Variants in NCOA2 observed in about 807,000 individuals in gnomAD.
NCOA2 encodes the protein class E basic helix-loop-helix protein 75.
A neutral mutation model predicts 145.1 loss-of-function variants in NCOA2; 21 were observed. The observed-to-expected ratio is 0.14, with a 90% CI of 0.10 to 0.21. NCOA2 has a LOEUF of 0.21. Ranked by LOEUF, NCOA2 falls within the 10% of genes least tolerant of loss-of-function variation. NCOA2 has a pLI of 1.00. For synonymous variants in NCOA2, 619 were observed against 637.5 expected (o/e 0.97, Z 0.44); for missense variants, 1,472 against 1,837.6 (o/e 0.80, Z 3.64).
intron 2 of NCOA2, among the ~76,000 whole-genome samples, chr8:70,228,389 C>T (rs1473509653): frequency 6.6e-6 from 1 of 152,314 alleles, no homozygotes; most frequent in Non-Finnish European, 1.5e-5. Context: ...TTTTGGCAGA[C>T]AAACTTTGTG....
chr8:70,277,567 T>C (rs1825557948), intron 2 of NCOA2, among the ~76,000 whole-genome samples: 1 of 152,180 alleles, frequency 6.6e-6, no homozygotes. Context: ...ATGGTGTTCT[T>C]TGGTAATGTT....
chr8:70,134,443 G>A (rs1809506908), intron 15 of NCOA2, among the ~76,000 whole-genome samples: 1 of 152,192 alleles, frequency 6.6e-6, no homozygotes, highest in Non-Finnish European at 1.5e-5. Context: ...GGCATTAAAG[G>A]ATTTTCTTTA....
intron 6 of NCOA2, among the ~76,000 whole-genome samples, chr8:70,168,422 G>T (rs533142784): frequency 7.9e-5 from 12 of 152,272 alleles, no homozygotes; most frequent in Non-Finnish European, 4.4e-5. Flanking sequence ...GGGCTCAAGG[G>T]ATTCTCATGC....
intron 2 of NCOA2, among the ~76,000 whole-genome samples, chr8:70,221,536 C>T (rs1428376542): frequency 6.6e-6 from 1 of 151,940 alleles, no homozygotes; most frequent in Non-Finnish European, 1.5e-5. Flanking sequence ...GATGTAGATG[C>T]CTGAGAAAGA....
At chr8:70,270,492 T>C (rs944803462) in intron 2 of NCOA2, among the ~76,000 whole-genome samples, 4 of 152,076 alleles carry the variant, frequency 2.6e-5, no homozygotes, top group Admixed American at 2.0e-4. Context: ...GACTTATTGA[T>C]GTACATCAAA....
chr8:70,262,886 A>C (rs1824255000), intron 2 of NCOA2, among the ~76,000 whole-genome samples: 1 of 152,158 alleles, frequency 6.6e-6, no homozygotes, highest in Non-Finnish European at 1.5e-5. Flanking sequence ...TATAAAGTTT[A>C]ACTTATAAAT....
intron 4 of NCOA2, among the ~76,000 whole-genome samples, chr8:70,179,242 TAAAA>T (rs1212173747): frequency 6.6e-6 from 1 of 152,118 alleles, no homozygotes. Context: ...TTCTCAATAT[TAAAA>T]AGAAAAAAAT....
the NCOA2 span, among the ~76,000 whole-genome samples, chr8:70,438,766 G>A: frequency 9.1e-3 from 1,384 of 152,274 alleles, 16 homozygotes; most frequent in African/African-American, 0.032. Context: ...AGGACAAAAG[G>A]TTTCTTCCAA....
chr8:70,403,395 A>G (rs1814566318), intron 1 of NCOA2, among the ~76,000 whole-genome samples: 1 of 150,916 alleles, frequency 6.6e-6, no homozygotes, highest in East Asian at 2.0e-4. Flanking sequence ...TCGTCTCCTG[A>G]GCTCTCGCAA....
upstream of NCOA2, among the ~76,000 whole-genome samples, chr8:70,406,523 T>C (rs1814783567): frequency 6.6e-6 from 1 of 151,694 alleles, no homozygotes; most frequent in Non-Finnish European, 1.5e-5. Context: ...AAGGAAAAAA[T>C]ATGTGGGTGC....
chr8:70,331,097 T>C (rs1049589623), intron 1 of NCOA2, among the ~76,000 whole-genome samples: 3 of 152,148 alleles, frequency 2.0e-5, no homozygotes, highest in Non-Finnish European at 4.4e-5. Context: ...GGTACAGCTT[T>C]TAATTAAAAA....
At chr8:70,232,981 C>A (rs1821272498) in intron 2 of NCOA2, among the ~76,000 whole-genome samples, 1 of 152,074 alleles carries the variant, frequency 6.6e-6, no homozygotes, top group Admixed American at 6.5e-5. Flanking sequence ...AATCCCAGCA[C>A]TTTGGGAGGC....
intron 2 of NCOA2, among the ~76,000 whole-genome samples, chr8:70,254,858 G>A (rs1823507551): frequency 6.6e-6 from 1 of 151,850 alleles, no homozygotes; most frequent in African/African-American, 2.4e-5. Flanking sequence ...TGGTTAAAAG[G>A]GTCAATTTTA....
chr8:70,426,847 C>A, the NCOA2 span, among the ~76,000 whole-genome samples: 1 of 152,298 alleles, frequency 6.6e-6, no homozygotes, highest in East Asian at 1.9e-4. Context: ...GGCTGGAGTG[C>A]AGTGTCACTG....
intron 9 of NCOA2, among the ~76,000 whole-genome samples, chr8:70,161,392 TTC>T (rs1812981509): frequency 1.3e-5 from 2 of 152,218 alleles, no homozygotes; most frequent in Non-Finnish European, 1.5e-5. Context: ...AAATATTGAT[TTC>T]TGTCAATGTA....
chr8:70,365,568 A>T (rs756970378), intron 1 of NCOA2, among the ~76,000 whole-genome samples: 12 of 152,254 alleles, frequency 7.9e-5, no homozygotes, highest in Non-Finnish European at 1.8e-4. Flanking sequence ...GACCATAGGT[A>T]TTCTTTCAGG....
At chr8:70,190,797 A>G (rs1354005369) in intron 4 of NCOA2, among the ~76,000 whole-genome samples, 2 of 152,244 alleles carry the variant, frequency 1.3e-5, no homozygotes, top group African/African-American at 4.8e-5. Context: ...CAGAGGTTGC[A>G]GTAAGCTGAG....
At chr8:70,267,151 C>T in intron 2 of NCOA2, among the ~76,000 whole-genome samples, 1 of 152,140 alleles carries the variant, frequency 6.6e-6, no homozygotes, top group East Asian at 1.9e-4. Context: ...CTGTGCACCA[C>T]CTCTGGCCAT....
At chr8:70,208,770 T>C (rs1020495077) in intron 4 of NCOA2, among the ~76,000 whole-genome samples, 5 of 152,220 alleles carry the variant, frequency 3.3e-5, no homozygotes, top group African/African-American at 1.2e-4. Context: ...TTTAAGCCCA[T>C]TGTTGAGATG....
Sources: allele counts gnomAD v4.1 joint callset (sites outside exome capture counted in the v4.1 genomes callset), GRCh38; gene constraint gnomAD v4.1.1; transcripts MANE v1.5; gene names NCBI Gene and HGNC (gene_info 2026-07-23, HGNC 2026-07-21).